Variants in UGT3A2 observed in about 807,000 individuals in gnomAD.
UGT3A2 encodes UDP-glycosyltransferase 3A2.
In UGT3A2, 32 loss-of-function variants were observed where a neutral mutation model predicts 39.8. The observed-to-expected ratio is 0.80, with a 90% CI of 0.61 to 1.08. UGT3A2 has a LOEUF of 1.08. Among genes scored for constraint, UGT3A2 ranks in the 50% least tolerant of loss-of-function variants. The pLI is 0.00. For missense variants in UGT3A2, 611 were observed against 637.1 expected, an observed-to-expected ratio of 0.96 and a Z score of 0.44; for synonymous variants, 241 against 230.7, an observed-to-expected ratio of 1.04 and a Z score of -0.40.
Position 36,035,521 on chromosome 5 carries a change from G to A in UGT3A2, c.*177C>T. On this transcript the variant is annotated 3_prime_UTR_variant, in exon 7 of 7. Transcript: ENST00000282507. Reference sequence around the variant, plus strand: ...CTAGCAGGCAGGAGCTAGTAAGGATGAATTTGTAGCAAAATTAGCAAGTGG... The same window carrying A: ...CTAGCAGGCAGGAGCTAGTAAGGATAAATTTGTAGCAAAATTAGCAAGTGG... 1.1e-6 allele frequency: 1 copy of A among 933,452 alleles called. No homozygotes were observed. Among genetic ancestry groups the A allele is most frequent in the South Asian group, 1.8e-5 (1 of 55,394 alleles). 57.8% of individuals were successfully genotyped at this position (933,452 alleles called of 1,614,324 possible).
In UGT3A2 at chr5:36,035,884, G is replaced by A; in HGVS notation, c.1386C>T (p.Val462=). Residue 462 remains valine, a synonymous_variant, in exon 7 of 7, where the codon GTC becomes GTT. Coordinates refer to ENST00000282507, the MANE Select transcript of UGT3A2 (RefSeq NM_174914.4). ...GGTGCGTCGCGCCCCCTGTCTGGAG[G>A]ACGTGGTCAATCCAGCCCACCAGCC... ...TQRLVGWIDH[V]LQTGGATHLK... is the part of the protein sequence containing the mutation. The A allele has an allele frequency of 6.2e-7, 1 of 1,614,216 alleles. No individual in the cohort carries two copies. The highest frequency in any genetic ancestry group is 8.5e-7 in the Non-Finnish European group (1 of 1,180,038).
At chr5:36,062,434 G>A (rs559548277) in intron 2 of UGT3A2, among the ~76,000 whole-genome samples, 6,640 of 151,908 alleles carry the variant, frequency 0.044, 477 homozygotes, top group African/African-American at 0.15. Context: ...GTGTAAGGAA[G>A]GGATCCAGTT....
At chr5:36,061,132 A>G (rs909095641) in intron 2 of UGT3A2, among the ~76,000 whole-genome samples, 5 of 152,100 alleles carry the variant, frequency 3.3e-5, no homozygotes, top group African/African-American at 1.2e-4. Context: ...AGATCACACC[A>G]CTGCACTCCA....
At chr5:36,036,207 C>T (rs1741824364) in intron 6 of UGT3A2, among the ~76,000 whole-genome samples, 1 of 152,164 alleles carries the variant, frequency 6.6e-6, no homozygotes, top group African/African-American at 2.4e-5. Flanking sequence ...AAAGACTAGT[C>T]CCTACTCCAA....
intron 2 of UGT3A2, among the ~76,000 whole-genome samples, chr5:36,055,156 G>T (rs1417308755): frequency 1.3e-5 from 2 of 151,962 alleles, no homozygotes; most frequent in African/African-American, 4.8e-5. Flanking sequence ...AAAAATTTGG[G>T]GGGGTACCTT....
chr5:36,044,695 T>C (rs1208713312), intron 4 of UGT3A2, among the ~76,000 whole-genome samples: 1 of 151,894 alleles, frequency 6.6e-6, no homozygotes, highest in African/African-American at 2.4e-5. Context: ...CAGTGAATAA[T>C]CTGAAAAAGA....
At chr5:36,061,379 A>C (rs1173273741) in intron 2 of UGT3A2, among the ~76,000 whole-genome samples, 2 of 128,626 alleles carry the variant, frequency 1.6e-5, no homozygotes, top group Non-Finnish European at 1.7e-5. Context: ...TCCCAATGCT[A>C]TCCCTCCCCC....
Position 36,049,006 on chromosome 5 carries a change from C to T in UGT3A2, c.726G>A (p.Leu242=). ...GSRPVLSHLL[L]KAELWFINSD... is the part of the protein sequence containing the mutation. ...AGTTAATGAACCACAACTCTGCTTTCAGTAGAAGATGAGACAAAACTGGCC... is the reference window on the plus strand; with the variant it reads ...AGTTAATGAACCACAACTCTGCTTTTAGTAGAAGATGAGACAAAACTGGCC... The change falls in exon 4 of 7, where the codon CTG becomes CTA. Residue 242 remains leucine, a synonymous_variant. Transcript: ENST00000282507. The T allele has an allele frequency of 6.2e-7, 1 of 1,614,164 alleles. No individual in the cohort carries two copies. Among genetic ancestry groups the T allele is most frequent in the East Asian group, 2.2e-5 (1 of 44,884 alleles).
At chr5:36,059,441 C>T (rs1170975672) in intron 2 of UGT3A2, among the ~76,000 whole-genome samples, 2 of 149,278 alleles carry the variant, frequency 1.3e-5, no homozygotes, top group African/African-American at 4.9e-5. Context: ...TTTGCCCCAC[C>T]TATAACACCT....
chr5:36,065,354 G>C (rs903315261), intron 1 of UGT3A2, among the ~76,000 whole-genome samples: 1 of 152,150 alleles, frequency 6.6e-6, no homozygotes, highest in Non-Finnish European at 1.5e-5. Context: ...ATCTGCAACA[G>C]GTCTTGCTCA....
At chr5:36,045,356 C>T (rs1742134337) in intron 4 of UGT3A2, among the ~76,000 whole-genome samples, 1 of 152,132 alleles carries the variant, frequency 6.6e-6, no homozygotes, top group Non-Finnish European at 1.5e-5. Context: ...TTAAATCTAA[C>T]ACTTTGGGAG....
At position 36,035,185 on chromosome 5, in the gene UGT3A2, C is replaced by T. The variant is rs553095765; in HGVS notation, c.*513G>A. ...GTGTCCGGCCCTGAACTCTCAAGCA[C>T]AGGGCAGGCTTCCTGAGCATTGAAG... On this transcript the variant is annotated 3_prime_UTR_variant, in exon 7 of 7. Transcript: ENST00000282507. 1 of 163,764 alleles carries T rather than the reference C, an allele frequency of 6.1e-6. No individual in the cohort carries two copies. Among genetic ancestry groups the T allele is most frequent in the Non-Finnish European group, 1.4e-5 (1 of 73,542 alleles). The allele number at this position is 163,764 out of a possible 1,614,324, so 10.1% of individuals were successfully genotyped here.
chr5:36,049,946 G>A (rs1287271), intron 3 of UGT3A2, among the ~76,000 whole-genome samples: 77,418 of 151,866 alleles, frequency 0.51, 19,964 homozygotes, highest in Non-Finnish European at 0.55. Flanking sequence ...TTATATTACA[G>A]CCAAAAATCT....
intron 4 of UGT3A2, among the ~76,000 whole-genome samples, chr5:36,045,694 G>C (rs945713935): frequency 6.6e-6 from 1 of 151,956 alleles, no homozygotes; most frequent in Admixed American, 6.6e-5. Context: ...GAAAACATTG[G>C]GGAAACGCTC....
intron 5 of UGT3A2, 150 bp from the exon 6 acceptor site, chr5:36,038,166 T>C (rs1741892377): frequency 2.4e-6 from 2 of 829,442 alleles, no homozygotes; most frequent in Non-Finnish European, 3.6e-6. Context: ...ACATCCAATG[T>C]TACAGTTCCA....
intron 4 of UGT3A2, among the ~76,000 whole-genome samples, chr5:36,047,268 C>T (rs916884087): frequency 2.0e-5 from 3 of 152,210 alleles, no homozygotes; most frequent in Non-Finnish European, 4.4e-5. Context: ...GCCCCAACCA[C>T]CTTGGGCACA....
intron 2 of UGT3A2, among the ~76,000 whole-genome samples, chr5:36,059,628 G>C (rs1055511818): frequency 6.6e-6 from 1 of 152,090 alleles, no homozygotes; most frequent in Non-Finnish European, 1.5e-5. Context: ...TGGGAACTGA[G>C]CACAAGGATA....
At chr5:36,037,695 TA>T in intron 6 of UGT3A2, 101 bp downstream of exon 6, 1 of 1,279,890 alleles carries the variant, frequency 7.8e-7, no homozygotes, top group Non-Finnish European at 1.1e-6. Flanking sequence ...AGTTTTAATC[TA>T]AAGCAAAACA....
chr5:36,036,008 T>C, intron 6 of UGT3A2, 34 bp from the exon 7 acceptor site: 1 of 1,603,384 alleles, frequency 6.2e-7, no homozygotes, highest in Non-Finnish European at 8.5e-7. Context: ...GCATTACTAA[T>C]GTGACCTCAC....
Sources: gnomAD v4.1 joint callset for allele counts (sites outside exome capture counted in the v4.1 genomes callset) on GRCh38, gnomAD v4.1.1 for gene constraint, MANE v1.5 for transcripts, NCBI Gene and HGNC (gene_info 2026-07-23, HGNC 2026-07-21) for gene names.